Variants in B3GALT1 observed in about 807,000 individuals in gnomAD.
The protein encoded by B3GALT1 is UDP-Gal:betaGlcNAc beta 1,3-galactosyltransferase, polypeptide 1.
A neutral mutation model predicts 23.2 loss-of-function variants in B3GALT1; 10 were observed. The ratio of observed to expected loss-of-function variants is 0.43; its 90% CI spans 0.27 to 0.73. B3GALT1 has a LOEUF of 0.73. B3GALT1 is among the 30% of genes least tolerant of loss of function. The pLI is 0.21. For synonymous variants in B3GALT1, 156 were observed against 141.5 expected (o/e 1.10, Z -0.73); for missense variants, 299 against 405.4 (o/e 0.74, Z 2.25).
chr2:167,544,876 G>A (rs957538873), intron 2 of B3GALT1, among the ~76,000 whole-genome samples: 2 of 152,146 alleles, frequency 1.3e-5, no homozygotes, highest in African/African-American at 4.8e-5. Flanking sequence ...GGACCGCAGC[G>A]GCGAGTGTTA....
At chr2:167,416,595 G>C (rs1574070499) in intron 1 of B3GALT1, among the ~76,000 whole-genome samples, 1 of 152,148 alleles carries the variant, frequency 6.6e-6, no homozygotes, top group Non-Finnish European at 1.5e-5. Flanking sequence ...GCAATGCTGA[G>C]TGGAGCCATG....
At chr2:167,711,878 G>GGATT (rs1391598592) in intron 3 of B3GALT1, among the ~76,000 whole-genome samples, 1 of 152,154 alleles carries the variant, frequency 6.6e-6, no homozygotes, top group African/African-American at 2.4e-5. Flanking sequence ...TGAGGTGGCA[G>GGATT]GATTGCTTCA....
intron 1 of B3GALT1, among the ~76,000 whole-genome samples, chr2:167,469,093 C>G (rs982673017): frequency 2.0e-5 from 3 of 152,150 alleles, no homozygotes; most frequent in Non-Finnish European, 4.4e-5. Flanking sequence ...GTCTGAAACA[C>G]TCATTCTACA....
At chr2:167,618,137 T>G (rs1685192836) in intron 2 of B3GALT1, among the ~76,000 whole-genome samples, 1 of 152,084 alleles carries the variant, frequency 6.6e-6, no homozygotes. Context: ...TGTCCCTCTA[T>G]GAAAATCTCT....
At chr2:167,431,682 A>G (rs1056688746) in intron 1 of B3GALT1, among the ~76,000 whole-genome samples, 11 of 152,180 alleles carry the variant, frequency 7.2e-5, no homozygotes, top group African/African-American at 2.7e-4. Flanking sequence ...ATGCATGCAA[A>G]TCAGCCCAAA....
chr2:167,727,786 A>C (rs990132957), intron 3 of B3GALT1, among the ~76,000 whole-genome samples: 2 of 152,234 alleles, frequency 1.3e-5, no homozygotes, highest in Non-Finnish European at 2.9e-5. Context: ...CTTGTGAGGC[A>C]AATCAAAGAA....
chr2:167,811,904 G>C (rs1265410488), intron 3 of B3GALT1, among the ~76,000 whole-genome samples: 2 of 152,180 alleles, frequency 1.3e-5, no homozygotes, highest in Non-Finnish European at 2.9e-5. Flanking sequence ...TACTATTGCT[G>C]TTTCAACTGT....
intron 2 of B3GALT1, among the ~76,000 whole-genome samples, chr2:167,587,824 T>C (rs151081382): frequency 1.3e-5 from 2 of 152,236 alleles, no homozygotes; most frequent in Non-Finnish European, 2.9e-5. Context: ...AGTAATTCAA[T>C]GTATTTATTT....
chr2:167,771,813 G>A (rs778186803), intron 3 of B3GALT1, among the ~76,000 whole-genome samples: 1 of 152,168 alleles, frequency 6.6e-6, no homozygotes, highest in Non-Finnish European at 1.5e-5. Context: ...AGGTTGGGAT[G>A]GGGACGAGGC....
At chr2:167,662,940 T>C (rs1054682283) in intron 3 of B3GALT1, among the ~76,000 whole-genome samples, 1 of 152,054 alleles carries the variant, frequency 6.6e-6, no homozygotes. Flanking sequence ...ACTTTCTTTT[T>C]TTTTATTGTA....
chr2:167,812,960 T>TAC (rs376818432), intron 3 of B3GALT1, among the ~76,000 whole-genome samples: 11,696 of 139,096 alleles, frequency 0.084, 585 homozygotes, highest in Middle Eastern at 0.16. Flanking sequence ...CATACATGCA[T>TAC]ACACACACAC....
At chr2:167,708,756 T>A (rs138655114) in intron 3 of B3GALT1, among the ~76,000 whole-genome samples, 50 of 152,264 alleles carry the variant, frequency 3.3e-4, no homozygotes, top group African/African-American at 1.2e-3. Context: ...CAGCTCTAGC[T>A]CTCCCATTGT....
At chr2:167,718,605 G>T (rs1231090771) in intron 3 of B3GALT1, among the ~76,000 whole-genome samples, 2 of 152,150 alleles carry the variant, frequency 1.3e-5, no homozygotes, top group Admixed American at 6.5e-5. Flanking sequence ...TCATACAAAT[G>T]TATTTATTAT....
rs1269915492 is a variant in B3GALT1, at chr2:167,554,605, G to C, written c.-410+64328G>C. Among the ~76,000 whole-genome samples, 18 of 152,060 alleles carry C rather than the reference G, an allele frequency of 1.2e-4. No homozygotes were observed. In the East Asian group the frequency reaches 3.3e-3, roughly 28 times the overall value. Reference sequence around the variant, plus strand: ...GCAGAGCTGGTGTGAAAAATACTAAGTGTATGCAATAAGAGTAAAGACTAT... The same window carrying C: ...GCAGAGCTGGTGTGAAAAATACTAACTGTATGCAATAAGAGTAAAGACTAT... On this transcript the variant is annotated intron_variant, in intron 2 of 4. Coordinates refer to ENST00000392690, the MANE Select transcript of B3GALT1 (RefSeq NM_020981.4).
At chr2:167,568,701 G>C (rs572646293) in intron 2 of B3GALT1, among the ~76,000 whole-genome samples, 11 of 151,814 alleles carry the variant, frequency 7.2e-5, no homozygotes, top group African/African-American at 2.4e-4. Flanking sequence ...TCTTGACATT[G>C]TATTTCAGGG....
chr2:167,316,792 T>G (rs928219320), intron 1 of B3GALT1, among the ~76,000 whole-genome samples: 4 of 152,116 alleles, frequency 2.6e-5, no homozygotes, highest in African/African-American at 9.7e-5. Context: ...TCTGCATTTC[T>G]TATGGGTGCT....
At chr2:167,850,757 G>A (rs551661925) in intron 4 of B3GALT1, among the ~76,000 whole-genome samples, 16 of 152,200 alleles carry the variant, frequency 1.1e-4, no homozygotes, top group Non-Finnish European at 1.9e-4. Flanking sequence ...ATACGTGGGA[G>A]CTAAGCTATA....
At chr2:167,521,746 A>T (rs978084269) in intron 2 of B3GALT1, among the ~76,000 whole-genome samples, 1 of 151,918 alleles carries the variant, frequency 6.6e-6, no homozygotes, top group Non-Finnish European at 1.5e-5. Flanking sequence ...TACTACCATT[A>T]TTTTAAAACT....
intron 1 of B3GALT1, among the ~76,000 whole-genome samples, chr2:167,402,572 A>G (rs1222521801): frequency 1.3e-5 from 2 of 152,146 alleles, no homozygotes; most frequent in Non-Finnish European, 2.9e-5. Flanking sequence ...AGGTTTTTTA[A>G]TTAAATTAGT....
Sources: gnomAD v4.1 joint callset for allele counts (sites outside exome capture counted in the v4.1 genomes callset) on GRCh38, gnomAD v4.1.1 for gene constraint, MANE v1.5 for transcripts, NCBI Gene and HGNC (gene_info 2026-07-23, HGNC 2026-07-21) for gene names.